Variants in DAAM2 observed in about 807,000 individuals in gnomAD.
The protein encoded by DAAM2 is disheveled-associated activator of morphogenesis 2.
Under a neutral mutation model 120.7 loss-of-function variants are expected in DAAM2, and 39 were observed. The ratio of observed to expected loss-of-function variants is 0.32; its 90% confidence interval spans 0.25 to 0.42. The LOEUF is 0.42. DAAM2 is among the 10% of genes least tolerant of loss of function. DAAM2 has a pLI of 1.00. For missense variants in DAAM2, 1,283 were observed against 1,401.7 expected (o/e 0.92, Z 1.35); for synonymous variants, 488 against 524.9 (o/e 0.93, Z 0.96).
chr6:39,828,768 G>T (rs9296310), intron 1 of DAAM2, among the ~76,000 whole-genome samples: 36,739 of 151,690 alleles, frequency 0.24, 4,611 homozygotes, highest in South Asian at 0.38. Flanking sequence ...TCACCATGTT[G>T]GCCTGGATGG....
chr6:39,856,077 A>C, intron 1 of DAAM2, 170 bp from the exon 2 acceptor site: 1 of 984,836 alleles, frequency 1.0e-6, no homozygotes. Context: ...AGCTGGAGGG[A>C]ACAGAGGGAT....
chr6:39,864,587 C>A lies in DAAM2; in HGVS notation c.333+80C>A, dbSNP rs2504094. The A allele has an allele frequency of 2.1e-3, 2,399 of 1,149,964 alleles. 73 individuals carry two copies. The East Asian group carries it at 0.055, about 27-fold the overall frequency. 71.2% of individuals were successfully genotyped at this position (1,149,964 alleles called of 1,614,324 possible). On this transcript the variant is annotated intron_variant, in intron 4 of 24. Transcript: ENST00000274867. ...AGTGATTCCCCCAGCCCCCACCCCC[C>A]ACACACCAAACTGCCTTTTACTGCT...
intron 1 of DAAM2, among the ~76,000 whole-genome samples, chr6:39,830,837 C>T (rs1762855942): frequency 6.6e-6 from 1 of 152,190 alleles, no homozygotes; most frequent in South Asian, 2.1e-4. Flanking sequence ...CTGCCAGTGG[C>T]CCTGCAGTCC....
chr6:39,819,703 A>G (rs1762423371), intron 1 of DAAM2: 2 of 152,256 alleles, frequency 1.3e-5, no homozygotes, highest in Admixed American at 1.3e-4. Flanking sequence ...TTACACAGCA[A>G]ACGCTTATTT....
chr6:39,840,728 C>T (rs1473583015), intron 1 of DAAM2, among the ~76,000 whole-genome samples: 1 of 152,094 alleles, frequency 6.6e-6, no homozygotes, highest in African/African-American at 2.4e-5. Context: ...TTGGCAAAGC[C>T]CTGGTCTATC....
At chr6:39,811,173 G>T (rs1438950678) in intron 1 of DAAM2, among the ~76,000 whole-genome samples, 1 of 125,538 alleles carries the variant, frequency 8.0e-6, no homozygotes, top group Non-Finnish European at 1.7e-5. Flanking sequence ...AAACTGAAGG[G>T]AGTGTGTGTG....
chr6:39,836,070 T>C (rs922293115), intron 1 of DAAM2, among the ~76,000 whole-genome samples: 13 of 152,122 alleles, frequency 8.5e-5, no homozygotes, highest in Middle Eastern at 6.8e-3. Context: ...GGGAAACATA[T>C]ATTGCAAGCT....
intron 1 of DAAM2, among the ~76,000 whole-genome samples, chr6:39,794,976 TG>T (rs1436431476): frequency 2.0e-5 from 3 of 152,194 alleles, no homozygotes. Flanking sequence ...GGGCAAGAAC[TG>T]GGTTTTCAAC....
chr6:39,811,157 G>A (rs1229335742), intron 1 of DAAM2, among the ~76,000 whole-genome samples: 1 of 150,260 alleles, frequency 6.7e-6, no homozygotes, highest in East Asian at 2.0e-4. Context: ...GCATTTGTAA[G>A]CCTGTAAACT....
In DAAM2 at chr6:39,901,535, C is replaced by A. The variant is rs940096417; in HGVS notation, c.2982+63C>A. 4 of 1,515,746 alleles carry A rather than the reference C, an allele frequency of 2.6e-6. No individual in the cohort carries two copies. The highest frequency in any genetic ancestry group is 2.7e-6 in the Non-Finnish European group (3 of 1,123,032). 93.9% of individuals were successfully genotyped at this position (1,515,746 alleles called of 1,614,324 possible). On this transcript the variant is annotated intron_variant, in intron 24 of 24. Coordinates refer to ENST00000274867, the MANE Select transcript of DAAM2 (RefSeq NM_001201427.2). The surrounding 1 kb of genome is among the most constrained non-coding windows in gnomAD (Gnocchi z 4.5). ...GGGTGCTACTTGGGGAGAACACCCC[C>A]AAACTGGGGTGTGTGGGAGGAGGGC...
In DAAM2 at chr6:39,901,860, C is replaced by G; in HGVS notation, c.3030C>G (p.Val1010=). Residue 1010 remains valine (V), a synonymous_variant, in exon 25 of 25, where the codon GTC becomes GTG. Coordinates refer to ENST00000274867, the MANE Select transcript of DAAM2 (RefSeq NM_001201427.2). This position sits in a 1 kb window ranked among gnomAD's most constrained non-coding sequence, Gnocchi z 4.5. ...ERERWQRQRK[V]LAAGSSLEEG... ...AGCGGTGGCAGCGGCAGCGGAAGGT[C>G]CTGGCTGCAGGCAGCTCGCTGGAGG... 2.5e-6 allele frequency: 4 copies of G among 1,586,646 alleles called. No homozygotes were observed. The highest frequency in any genetic ancestry group is 3.4e-6 in the Non-Finnish European group (4 of 1,163,230).
At chr6:39,882,702 C>T (rs56016924) in intron 14 of DAAM2, among the ~76,000 whole-genome samples, 3,014 of 87,924 alleles carry the variant, frequency 0.034, 57 homozygotes, top group Middle Eastern at 0.098. Context: ...CTTCTGTGAG[C>T]GCACACACAC....
intron 1 of DAAM2, among the ~76,000 whole-genome samples, chr6:39,830,647 G>A (rs1762846687): frequency 1.3e-5 from 2 of 152,178 alleles, no homozygotes; most frequent in Non-Finnish European, 2.9e-5. Context: ...AGGCCAGGAT[G>A]TGGCGTGGGA....
chr6:39,867,355 A>G lies in DAAM2; in HGVS notation c.429-155A>G. The G allele has an allele frequency of 6.2e-6, 4 of 646,708 alleles. No individual in the cohort carries two copies. The South Asian group carries it at 7.7e-5, about 12-fold the overall frequency. The allele number at this position is 646,708 out of a possible 1,614,324, so 40.1% of individuals were successfully genotyped here. On this transcript the variant is annotated intron_variant, in intron 5 of 24. Transcript: ENST00000274867. ...GACACAAGTCTTTTGTGAAGATGAT[A>G]GGATTTCACTGCTTTAGATAAACTA... is the stretch of plus-strand genomic sequence containing the variant.
At chr6:39,875,574 C>A in intron 11 of DAAM2, 106 bp downstream of exon 11, 1 of 1,354,338 alleles carries the variant, frequency 7.4e-7, no homozygotes, top group Non-Finnish European at 1.0e-6. Flanking sequence ...CCCAGTCATC[C>A]CGAAATGAGT....
At chr6:39,825,244 G>A (rs1173361605) in intron 1 of DAAM2, among the ~76,000 whole-genome samples, 1 of 151,964 alleles carries the variant, frequency 6.6e-6, no homozygotes, top group African/African-American at 2.4e-5. Flanking sequence ...ACAAAAATTA[G>A]CCAGGCATGG....
intron 19 of DAAM2, among the ~76,000 whole-genome samples, chr6:39,894,736 T>C (rs1765967742): frequency 6.6e-6 from 1 of 152,130 alleles, no homozygotes; most frequent in Admixed American, 6.5e-5. Flanking sequence ...TCCTCCCATC[T>C]CAGCCTCCCA....
chr6:39,889,322 G>A (rs893932803), intron 17 of DAAM2, among the ~76,000 whole-genome samples: 13 of 152,140 alleles, frequency 8.5e-5, no homozygotes, highest in Non-Finnish European at 1.6e-4. Context: ...ATATGAAAAG[G>A]TGTTCAATAT....
chr6:39,870,696 G>A (rs1463996476), intron 8 of DAAM2, among the ~76,000 whole-genome samples: 1 of 152,196 alleles, frequency 6.6e-6, no homozygotes, highest in Non-Finnish European at 1.5e-5. Context: ...CCCCCTGGGG[G>A]GCATGTGGAA....
Sources: allele counts gnomAD v4.1 joint callset (sites outside exome capture counted in the v4.1 genomes callset), GRCh38; gene constraint gnomAD v4.1.1; non-coding constraint Gnocchi (gnomAD v3.1); transcripts MANE v1.5; gene names NCBI Gene and HGNC (gene_info 2026-07-23, HGNC 2026-07-21).